Variants in SFMBT2 observed in about 807,000 individuals in gnomAD.
SFMBT2 encodes the protein Scm like with four mbt domains 2.
Under a neutral mutation model 110.1 loss-of-function variants are expected in SFMBT2, and 38 were observed. The observed-to-expected ratio is 0.35, with a 90% CI of 0.27 to 0.45. The LOEUF is 0.45. SFMBT2 is among the 20% of genes least tolerant of loss of function. The pLI, the probability that SFMBT2 is intolerant of heterozygous loss-of-function variation, is 1.00. For synonymous variants in SFMBT2, 425 were observed against 425.4 expected (o/e 1.00, Z 0.01); for missense variants, 1,011 against 1,094.9 (o/e 0.92, Z 1.08).
chr10:7,327,624 T>C (rs1172705906), intron 4 of SFMBT2, among the ~76,000 whole-genome samples: 1 of 149,452 alleles, frequency 6.7e-6, no homozygotes, highest in African/African-American at 2.5e-5. Flanking sequence ...GAGGTTACAG[T>C]GAGCTGAGAT....
chr10:7,310,255 C>A (rs761516303), intron 4 of SFMBT2, among the ~76,000 whole-genome samples: 1 of 152,214 alleles, frequency 6.6e-6, no homozygotes, highest in South Asian at 2.1e-4. Flanking sequence ...ACACATCATG[C>A]TGTCCCACGC....
chr10:7,296,438 T>C (rs1182274228), intron 4 of SFMBT2, among the ~76,000 whole-genome samples: 1 of 152,116 alleles, frequency 6.6e-6, no homozygotes, highest in Non-Finnish European at 1.5e-5. Flanking sequence ...TTGTTAAAGA[T>C]TTTATTCTCC....
rs141445071 is a variant in SFMBT2 at position 7,248,644 on chromosome 10, G to A, written c.876C>T (p.His292=). The A allele has an allele frequency of 1.3e-4, 215 of 1,613,950 alleles. No individual in the cohort carries two copies. The African/African-American group carries it at 2.1e-3, about 16-fold the overall frequency. ...FPLPMEVFKD[H]ADLRSHFFTV... is the part of the protein sequence containing the mutation. The stretch of plus-strand genomic sequence containing the variant: ...TGAAGAAATGGCTTCGCAAATCTGC[G>A]TGATCCTGCAGGGAGAAAGATGAAA... The change falls in exon 8 of 21, where the codon CAC becomes CAT. Residue 292 remains histidine, a synonymous_variant. Coordinates refer to ENST00000397167, the MANE Select transcript of SFMBT2 (RefSeq NM_001387889.1).
chr10:7,163,503 C>A lies in SFMBT2; in HGVS notation c.*267G>T. 2.6e-6 allele frequency: 1 copy of A among 383,588 alleles called. No individual in the cohort carries two copies. Among genetic ancestry groups the A allele is most frequent in the Non-Finnish European group, 4.7e-6 (1 of 212,128 alleles). 23.8% of individuals were successfully genotyped at this position (383,588 alleles called of 1,614,324 possible). ...GATTTGGGGCAGGAGAAAGGCAAAA[C>A]GTGGGTGAGCCAAGAAGCAGGCCCA... On this transcript the variant is annotated 3_prime_UTR_variant, in exon 21 of 21. Transcript: ENST00000397167. This position sits in a 1 kb window ranked among gnomAD's most constrained non-coding sequence, Gnocchi z 4.8.
chr10:7,315,040 G>GAAAGAAAGAAAGAAAGAAAGAA (rs1564435380), intron 4 of SFMBT2, among the ~76,000 whole-genome samples: 25 of 71,402 alleles, frequency 3.5e-4, no homozygotes, highest in Non-Finnish European at 7.1e-4. Context: ...GAAAGAAAGA[G>GAAAGAAAGAAAGAAAGAAAGAA]AAAGAAAGAA....
chr10:7,332,617 A>G (rs1271819385), intron 4 of SFMBT2, among the ~76,000 whole-genome samples: 2 of 152,242 alleles, frequency 1.3e-5, no homozygotes, highest in East Asian at 3.8e-4. Context: ...AAAACAAGCC[A>G]AAGTGAAAAC....
intron 11 of SFMBT2, among the ~76,000 whole-genome samples, chr10:7,210,631 T>A (rs1839313373): frequency 2.0e-5 from 3 of 152,082 alleles, no homozygotes; most frequent in Non-Finnish European, 4.4e-5. Context: ...CAGGCTTGAG[T>A]GTGAGATGAA....
At chr10:7,368,576 GC>G (rs771765624) in intron 3 of SFMBT2, among the ~76,000 whole-genome samples, 7 of 152,230 alleles carry the variant, frequency 4.6e-5, no homozygotes, top group African/African-American at 4.8e-5. Flanking sequence ...CTGAAGGACA[GC>G]CTCCAGCTCT....
rs118074539 is a variant in SFMBT2 at position 7,171,052 on chromosome 10, G to A, written c.2420C>T (p.Thr807Met). Residue 807 changes from threonine (T) to methionine (M), a missense_variant, in exon 20 of 21, where the codon ACG (threonine) becomes ATG (methionine). Around this residue, in one of 2 missense-constraint regions of SFMBT2, gnomAD observed 979 missense variants for 1,016.1 expected, o/e 0.96. Coordinates refer to ENST00000397167, the MANE Select transcript of SFMBT2 (RefSeq NM_001387889.1). This position sits in a 1 kb window ranked among gnomAD's most constrained non-coding sequence, Gnocchi z 4.9. ...CAGTCTCTCCTCCTCCTCCTGTTTCGTGTCCTGCAGAGAAAGGGCAGGAGG... is the reference window on the plus strand; with the variant it reads ...CAGTCTCTCCTCCTCCTCCTGTTTCATGTCCTGCAGAGAAAGGGCAGGAGG... The part of the protein sequence containing the change: ...PPTKPEGTED[T>M]KQEEEERLVL... 494 of 1,614,028 alleles carry A rather than the reference G, an allele frequency of 3.1e-4. 2 individuals are homozygous for A. The East Asian group carries it at 4.5e-3, about 15-fold the overall frequency.
At chr10:7,375,075 T>C (rs758599530) in intron 2 of SFMBT2, among the ~76,000 whole-genome samples, 1 of 152,240 alleles carries the variant, frequency 6.6e-6, no homozygotes, top group Non-Finnish European at 1.5e-5. Flanking sequence ...TTCCCCATGA[T>C]GTCATGAAAA....
chr10:7,320,670 T>G, intron 4 of SFMBT2: 1 of 942,970 alleles, frequency 1.1e-6, no homozygotes, highest in Non-Finnish European at 1.3e-6. Flanking sequence ...ACTTTTCATT[T>G]TTCAGATGAA....
chr10:7,393,981 T>G (rs1262546408), intron 1 of SFMBT2, among the ~76,000 whole-genome samples: 3 of 152,150 alleles, frequency 2.0e-5, no homozygotes, highest in African/African-American at 7.2e-5. Context: ...TCCTAACAAC[T>G]GTATCCTAGA....
At chr10:7,335,691 T>C (rs1293802498) in intron 4 of SFMBT2, among the ~76,000 whole-genome samples, 1 of 152,056 alleles carries the variant, frequency 6.6e-6, no homozygotes, top group East Asian at 1.9e-4. Context: ...CTCTGTTGTA[T>C]AGGATTGGTG....
In SFMBT2 at chr10:7,218,090, C is replaced by T. The variant is rs56690688; in HGVS notation, c.1330+2321G>A. Reference sequence around the variant, plus strand: ...AAAGTGGTCAGTCTAGTGTTGAAAACACTTCAAATCAATTTAATGCACGAA... The same window carrying T: ...AAAGTGGTCAGTCTAGTGTTGAAAATACTTCAAATCAATTTAATGCACGAA... On this transcript the variant is annotated intron_variant, in intron 11 of 20. Coordinates refer to ENST00000397167, the MANE Select transcript of SFMBT2 (RefSeq NM_001387889.1). Among the ~76,000 whole-genome samples, 1,482 of 152,202 alleles carry T rather than the reference C, an allele frequency of 9.7e-3. 31 individuals are homozygous for T. The highest frequency in any genetic ancestry group is 0.034 in the African/African-American group (1,430 of 41,534).
Position 7,234,279 on chromosome 10 carries a change from T to A in SFMBT2, c.1121-6342A>T, listed in dbSNP as rs1840193459. The stretch of plus-strand genomic sequence containing the variant: ...AAGACAATAATATAAGCACTAGCCC[T>A]ACCGCCTTCCTTATCTTTTAAAACA... On this transcript the variant is annotated intron_variant, in intron 9 of 20. Transcript: ENST00000397167. Among the ~76,000 whole-genome samples the A allele has an allele frequency of 2.0e-5, 3 of 151,788 alleles. No homozygotes were observed. The South Asian group carries it at 6.2e-4, about 31-fold the overall frequency.
chr10:7,394,938 T>C (rs1845881956), intron 1 of SFMBT2, among the ~76,000 whole-genome samples: 1 of 152,138 alleles, frequency 6.6e-6, no homozygotes, highest in East Asian at 1.9e-4. Context: ...CTCCAACAGA[T>C]TCCTAAGAAA....
chr10:7,274,443 C>T (rs531156602), intron 7 of SFMBT2, among the ~76,000 whole-genome samples: 84 of 152,298 alleles, frequency 5.5e-4, no homozygotes, highest in Admixed American at 1.9e-3. Flanking sequence ...ATCATGCAGG[C>T]GGTTTCTCCC....
At chr10:7,362,836 C>A (rs1030686143) in intron 4 of SFMBT2, among the ~76,000 whole-genome samples, 5 of 152,236 alleles carry the variant, frequency 3.3e-5, no homozygotes, top group Non-Finnish European at 5.9e-5. Context: ...CTGTCATCAC[C>A]TCCAACAGTA....
At chr10:7,247,640 T>C (rs967988159) in intron 8 of SFMBT2, among the ~76,000 whole-genome samples, 1 of 152,194 alleles carries the variant, frequency 6.6e-6, no homozygotes, top group African/African-American at 2.4e-5. Context: ...TGATTTTCCT[T>C]AAAGAAAATC....
Sources: allele counts gnomAD v4.1 joint callset (sites outside exome capture counted in the v4.1 genomes callset), GRCh38; gene constraint gnomAD v4.1.1; regional missense constraint gnomAD v4.1.1; non-coding constraint Gnocchi (gnomAD v3.1); transcripts MANE v1.5; gene names NCBI Gene and HGNC (gene_info 2026-07-23, HGNC 2026-07-21).